Variants in HSF1 observed in about 807,000 individuals in gnomAD.
HSF1 encodes the protein heat shock transcription factor 1.
In HSF1, 32 loss-of-function variants were observed where a neutral mutation model predicts 51.7. The ratio of observed to expected loss-of-function variants is 0.62; its 90% CI spans 0.47 to 0.83. HSF1 has a LOEUF of 0.83. HSF1 is among the 40% of genes least tolerant of loss of function. HSF1 has a pLI of 0.00. For synonymous variants in HSF1, 396 were observed against 309.7 expected, an observed-to-expected ratio of 1.28 and a Z score of -2.92; for missense variants, 727 against 717.0, an observed-to-expected ratio of 1.01 and a Z score of -0.16.
intron 1 of HSF1, among the ~76,000 whole-genome samples, chr8:144,292,912 A>T (rs1554840636): frequency 6.6e-6 from 1 of 152,160 alleles, no homozygotes; most frequent in Non-Finnish European, 1.5e-5. Context: ...CACTGAACCA[A>T]GATCCCGCCA....
chr8:144,310,108 G>A (rs1418009019), intron 4 of HSF1: 4 of 585,700 alleles, frequency 6.8e-6, no homozygotes, highest in Non-Finnish European at 9.0e-6. Flanking sequence ...GCAGAAGGGG[G>A]TTGGGAGGGT....
chr8:144,292,030 G>A (rs1815125940), intron 1 of HSF1, among the ~76,000 whole-genome samples, 156 bp downstream of exon 1: 1 of 152,218 alleles, frequency 6.6e-6, no homozygotes, highest in South Asian at 2.1e-4. Flanking sequence ...GGCGGGTCCC[G>A]AGCCTGCTCA....
chr8:144,300,441 T>A (rs1395969108), intron 1 of HSF1, among the ~76,000 whole-genome samples: 1 of 151,838 alleles, frequency 6.6e-6, no homozygotes, highest in Non-Finnish European at 1.5e-5. Flanking sequence ...ATGGTCTCAA[T>A]CTCCTGACCT....
chr8:144,308,895 C>G lies in HSF1; in HGVS notation c.118-11C>G. On this transcript the variant is annotated splice_polypyrimidine_tract_variant and intron_variant, in intron 1 of 12. Transcript: ENST00000528838. Reference sequence around the variant, plus strand: ...CACCACGCGTGACCCACCCATGTGTCTCCCTTTCAGAGCGGGAACAGCTTC... The same window carrying G: ...CACCACGCGTGACCCACCCATGTGTGTCCCTTTCAGAGCGGGAACAGCTTC... 1 of 1,611,824 alleles carries G rather than the reference C, an allele frequency of 6.2e-7. No individual in the cohort carries two copies. The highest frequency in any genetic ancestry group is 8.5e-7 in the Non-Finnish European group (1 of 1,177,900).
chr8:144,307,679 T>C (rs1275927665), intron 1 of HSF1, among the ~76,000 whole-genome samples: 1 of 151,850 alleles, frequency 6.6e-6, no homozygotes, highest in Admixed American at 6.6e-5. Context: ...GGCACGAGAA[T>C]CGCTTGAACT....
At chr8:144,310,199 C>G in intron 4 of HSF1, 1 of 364,888 alleles carries the variant, frequency 2.7e-6, no homozygotes, top group Non-Finnish European at 5.1e-6. Flanking sequence ...CACCAGCCTA[C>G]TTTTGAGGAC....
intron 4 of HSF1, chr8:144,310,105 G>C (rs367751120): frequency 1.7e-5 from 10 of 585,952 alleles, no homozygotes; most frequent in East Asian, 1.5e-4. Flanking sequence ...TGTGCAGAAG[G>C]GGGTTGGGAG....
chr8:144,313,350 CT>C, intron 9 of HSF1, 160 bp from the exon 10 acceptor site: 1 of 591,336 alleles, frequency 1.7e-6, no homozygotes, highest in Admixed American at 2.8e-5. Flanking sequence ...CCTCCACTGC[CT>C]TCCAGGCCGT....
In HSF1 at chr8:144,309,982, C is replaced by T. The variant is rs1268591763; in HGVS notation, c.488+86C>T. ...GGTGCTGTGGGGGCAGGGCCCTGAC[C>T]GGGGCCAGGTGCTCAGCTCCACCCT... On this transcript the variant is annotated intron_variant, in intron 4 of 12. Transcript: ENST00000528838. 22 of 1,491,870 alleles carry T rather than the reference C, an allele frequency of 1.5e-5. No individual in the cohort carries two copies. The South Asian group carries it at 1.6e-4, about 11-fold the overall frequency. 92.4% of individuals were successfully genotyped at this position (1,491,870 alleles called of 1,614,324 possible).
intron 1 of HSF1, among the ~76,000 whole-genome samples, chr8:144,300,535 T>C (rs141031830): frequency 6.6e-6 from 1 of 152,282 alleles, no homozygotes; most frequent in Non-Finnish European, 1.5e-5. Flanking sequence ...GATAGGATGA[T>C]GAGAACAGCA....
intron 1 of HSF1, among the ~76,000 whole-genome samples, chr8:144,296,773 C>T (rs1284438769): frequency 6.7e-6 from 1 of 150,048 alleles, no homozygotes; most frequent in Non-Finnish European, 1.5e-5. Flanking sequence ...CGCCATTGCA[C>T]TCCAGCCTGG....
Position 144,312,167 on chromosome 8 carries a change from G to A in HSF1, c.1065G>A (p.Thr355=), listed in dbSNP as rs578021890. The part of the protein sequence containing the change: ...VTALTDARGH[T]DTEGRPPSPP... The stretch of plus-strand genomic sequence containing the variant: ...CCCTCACGGACGCCAGGGGCCACAC[G>A]GACACCGAGGGCCGGCCTCCCTCCC... The change falls in exon 9 of 13, where the codon ACG becomes ACA. Residue 355 remains threonine (T), a synonymous_variant. Transcript: ENST00000528838. 13 of 1,609,038 alleles carry A rather than the reference G, an allele frequency of 8.1e-6. No individual in the cohort carries two copies. The highest frequency in any genetic ancestry group is 3.3e-5 in the South Asian group (3 of 91,006).
chr8:144,312,185 T>TGCCCCG lies in HSF1; in HGVS notation c.1083_1084insGCCCCG (p.Pro361_Pro362insAlaPro). On this transcript the variant is annotated inframe_insertion, in exon 9 of 13. Transcript: ENST00000528838. ...GCCACACGGACACCGAGGGCCGGCC[T>TGCCCCG]CCCTCCCCCCCGCCCACCTCCACCC... 2 of 1,532,950 alleles carry TGCCCCG rather than the reference T, an allele frequency of 1.3e-6. No individual in the cohort carries two copies. The highest frequency in any genetic ancestry group is 1.8e-6 in the Non-Finnish European group (2 of 1,117,510). 95.0% of individuals were successfully genotyped at this position (1,532,950 alleles called of 1,614,324 possible).
rs1462141056 is a variant in HSF1, at chr8:144,314,324, C to T, written c.1584C>T (p.Val528=). The part of the protein sequence containing the change: ...SEPPKAKDPT[V]S ...CTCCCAAAGCCAAGGACCCCACTGTCTCCTAGAGGCCCCGGAGGAGCTGGG... is the reference window on the plus strand; with the variant it reads ...CTCCCAAAGCCAAGGACCCCACTGTTTCCTAGAGGCCCCGGAGGAGCTGGG... Residue 528 remains valine (V), a synonymous_variant, in exon 13 of 13, where the codon GTC becomes GTT. Coordinates refer to ENST00000528838, the MANE Select transcript of HSF1 (RefSeq NM_005526.4). 17 of 1,547,920 alleles carry T rather than the reference C, an allele frequency of 1.1e-5. No homozygotes were observed. In the Admixed American group the frequency reaches 3.3e-4, roughly 30 times the overall value.
rs782692333 is a variant in HSF1, at chr8:144,291,780, G to T, written c.23G>T (p.Gly8Val). The change falls in exon 1 of 13, where the codon GGC (glycine) becomes GTC (valine). Residue 8 changes from glycine (G) to valine (V), a missense_variant. Coordinates refer to ENST00000528838, the MANE Select transcript of HSF1 (RefSeq NM_005526.4). This position sits in a 1 kb window ranked among gnomAD's most constrained non-coding sequence, Gnocchi z 4.1. MDLPVGP[G>V]AAGPSNVPAF... The stretch of plus-strand genomic sequence containing the variant: ...GAGATGGATCTGCCCGTGGGCCCCG[G>T]CGCGGCGGGGCCCAGCAACGTCCCG... 3.3e-6 allele frequency: 5 copies of T among 1,531,480 alleles called. No individual in the cohort carries two copies. In the South Asian group the frequency reaches 6.0e-5, roughly 18 times the overall value. The allele number at this position is 1,531,480 out of a possible 1,614,324, so 94.9% of individuals were successfully genotyped here. A position where few individuals can be genotyped will look rare whatever the true frequency, so the allele number is the denominator to read the frequency against.
At position 144,314,071 on chromosome 8, in the gene HSF1, C is replaced by A. The variant is rs565589852; in HGVS notation, c.1384+17C>A. 6.2e-7 allele frequency: 1 copy of A among 1,604,786 alleles called. No individual in the cohort carries two copies. Among genetic ancestry groups the A allele is most frequent in the Non-Finnish European group, 8.5e-7 (1 of 1,176,414 alleles). On this transcript the variant is annotated intron_variant, in intron 12 of 12. Transcript: ENST00000528838. ...CGGATTCAGGTGAGCCAAGTCCCAC[C>A]GGCCCCACCTCTGCCCCCAACCCCC...
rs559395450 is a variant in HSF1, at chr8:144,297,076, G to A, written c.117+5202G>A. Among the ~76,000 whole-genome samples the A allele has an allele frequency of 6.6e-6, 1 of 152,278 alleles. No homozygotes were observed. Among genetic ancestry groups the A allele is most frequent in the South Asian group, 2.1e-4 (1 of 4,822 alleles). ...GTCCTTTATTGAGGGACCAGGGATG[G>A]ACAGCCTGGCCCTGAAAGTCTCTCA... On this transcript the variant is annotated intron_variant, in intron 1 of 12. Transcript: ENST00000528838. The surrounding 1 kb of genome is among the most constrained non-coding windows in gnomAD (Gnocchi z 4.6).
rs1369493998 is a variant in HSF1 at position 144,291,639 on chromosome 8, G to A, written c.-119G>A. On this transcript the variant is annotated 5_prime_UTR_variant, in exon 1 of 13. Coordinates refer to ENST00000528838, the MANE Select transcript of HSF1 (RefSeq NM_005526.4). The surrounding 1 kb of genome is among the most constrained non-coding windows in gnomAD (Gnocchi z 4.1). ...TGGCGGCGGCCATGCTGGGCCCCGG[G>A]GCTGTGTGTGCGCAGCGGGCGGCGG... The A allele has an allele frequency of 9.2e-6, 5 of 543,814 alleles. No individual in the cohort carries two copies. Among genetic ancestry groups the A allele is most frequent in the Non-Finnish European group, 1.5e-5 (5 of 341,558 alleles). 33.7% of individuals were successfully genotyped at this position (543,814 alleles called of 1,614,324 possible). A position where few individuals can be genotyped will look rare whatever the true frequency, so the allele number is the denominator to read the frequency against.
chr8:144,306,653 G>A (rs1047957450), intron 1 of HSF1, among the ~76,000 whole-genome samples: 20 of 152,186 alleles, frequency 1.3e-4, no homozygotes, highest in Non-Finnish European at 2.5e-4. Flanking sequence ...GTGAACCAGC[G>A]CAGCCGGCTG....
Sources: allele counts gnomAD v4.1 joint callset (sites outside exome capture counted in the v4.1 genomes callset), GRCh38; gene constraint gnomAD v4.1.1; non-coding constraint Gnocchi (gnomAD v3.1); transcripts MANE v1.5; gene names NCBI Gene and HGNC (gene_info 2026-07-23, HGNC 2026-07-21).